The following KAZN variants were observed in gnomAD, a reference collection of about 807,000 sequenced individuals.
The protein encoded by KAZN is kazrin, periplakin interacting protein, also known as kazrin.
A neutral mutation model predicts 87.4 loss-of-function variants in KAZN; 40 were observed. That is an observed-to-expected ratio of 0.46 (90% CI 0.36 to 0.60). The LOEUF is 0.60. Among genes scored for constraint, KAZN ranks in the 20% least tolerant of loss-of-function variants. KAZN has a pLI of 0.00. For synonymous variants in KAZN, 466 were observed against 458.3 expected (o/e 1.02, Z -0.22); for missense variants, 898 against 1,073.9 (o/e 0.84, Z 2.29).
chr1:15,060,511 C>T (rs966881825), intron 6 of KAZN: 9 of 667,376 alleles, frequency 1.3e-5, no homozygotes, highest in Admixed American at 9.0e-5. Context: ...TCCTTGTGTC[C>T]GGGAGGGTGA....
At chr1:14,354,105 C>T (rs193113698) in intron 2 of KAZN, among the ~76,000 whole-genome samples, 147 of 152,166 alleles carry the variant, frequency 9.7e-4, no homozygotes, top group South Asian at 9.6e-3. Context: ...ATATGGTTGA[C>T]AAGACTGCCA....
chr1:14,608,718 G>T (rs1677572786), intron 1 of KAZN, among the ~76,000 whole-genome samples: 1 of 152,170 alleles, frequency 6.6e-6, no homozygotes, highest in Admixed American at 6.5e-5. Context: ...AAAAAAAGAT[G>T]TGAATTTCAG....
In KAZN at chr1:15,116,400, CT is replaced by C. The variant is rs1169137565; in HGVS notation, c.*1766del. 1 of 152,258 alleles carries C rather than the reference CT, an allele frequency of 6.6e-6. No individual in the cohort carries two copies. Among genetic ancestry groups the C allele is most frequent in the Non-Finnish European group, 1.5e-5 (1 of 68,046 alleles). The allele number at this position is 152,258 out of a possible 1,614,324, so 9.4% of individuals were successfully genotyped here. The stretch of plus-strand genomic sequence containing the variant: ...AATGACATAAACGCAGCCTTTCTTG[CT>C]GTCTGAGACCAAATGTCTAGTTGGT... On this transcript the variant is annotated 3_prime_UTR_variant, in exon 15 of 15. Coordinates refer to ENST00000376030, the MANE Select transcript of KAZN (RefSeq NM_201628.3).
At chr1:14,943,548 T>C (rs1478294428) in intron 1 of KAZN, among the ~76,000 whole-genome samples, 13 of 152,144 alleles carry the variant, frequency 8.5e-5, no homozygotes, top group African/African-American at 3.1e-4. Flanking sequence ...AACCAAAATG[T>C]ATGTAGTACT....
chr1:13,943,612 A>G (rs1641023031), intron 1 of KAZN, among the ~76,000 whole-genome samples: 1 of 152,140 alleles, frequency 6.6e-6, no homozygotes, highest in Admixed American at 6.5e-5. Context: ...TTTCAGGTAG[A>G]AGAAACATGA....
chr1:15,112,956 A>G (rs1641705434), intron 14 of KAZN: 1 of 169,718 alleles, frequency 5.9e-6, no homozygotes, highest in East Asian at 1.5e-4. Flanking sequence ...ACTGATTTCA[A>G]TTTGCGACTT....
At chr1:14,791,672 C>T (rs74059363) in intron 1 of KAZN, among the ~76,000 whole-genome samples, 3 of 152,228 alleles carry the variant, frequency 2.0e-5, no homozygotes, top group South Asian at 4.2e-4. Context: ...GAGCTTAGTC[C>T]CCAGGGGAAT....
intron 1 of KAZN, among the ~76,000 whole-genome samples, chr1:14,787,151 A>G (rs74059359): frequency 0.082 from 12,556 of 152,244 alleles, 585 homozygotes; most frequent in Middle Eastern, 0.16. Flanking sequence ...TTGGTCATTT[A>G]CTACCTATGT....
intron 2 of KAZN, among the ~76,000 whole-genome samples, chr1:14,563,538 TC>T (rs1298582189): frequency 6.6e-6 from 1 of 152,174 alleles, no homozygotes; most frequent in African/African-American, 2.4e-5. Flanking sequence ...GGCGAATTCA[TC>T]ACCTTCCTGG....
intron 2 of KAZN, among the ~76,000 whole-genome samples, chr1:14,308,746 C>G (rs142315843): frequency 6.6e-6 from 1 of 151,818 alleles, no homozygotes; most frequent in Non-Finnish European, 1.5e-5. Flanking sequence ...TGAACTAATA[C>G]GCATAGACTA....
intron 1 of KAZN, among the ~76,000 whole-genome samples, chr1:13,958,309 G>A (rs976055627): frequency 5.9e-5 from 9 of 152,086 alleles, no homozygotes; most frequent in Non-Finnish European, 7.4e-5. Flanking sequence ...GGTGGCTCAC[G>A]CCTGTAATCC....
chr1:14,650,524 G>A (rs1357756878), intron 1 of KAZN, among the ~76,000 whole-genome samples: 2 of 152,136 alleles, frequency 1.3e-5, no homozygotes, highest in African/African-American at 4.8e-5. Flanking sequence ...CCAGCCTGGG[G>A]GATAGAGTGA....
At chr1:14,590,108 T>A (rs1230088026) in intron 2 of KAZN, among the ~76,000 whole-genome samples, 3 of 151,924 alleles carry the variant, frequency 2.0e-5, no homozygotes, top group Non-Finnish European at 4.4e-5. Context: ...CCCCCTACCC[T>A]CCAAGAAAGC....
At chr1:14,828,310 G>GTAAATATT (rs1646956249) in intron 1 of KAZN, among the ~76,000 whole-genome samples, 1 of 152,288 alleles carries the variant, frequency 6.6e-6, no homozygotes, top group Admixed American at 6.5e-5. Flanking sequence ...TCAGGACTCT[G>GTAAATATT]GAGATTGCAT....
At chr1:14,595,660 G>A (rs1167654469), upstream of KAZN, among the ~76,000 whole-genome samples, 3 of 132,072 alleles carry the variant, frequency 2.3e-5, no homozygotes, top group African/African-American at 3.1e-5. Flanking sequence ...CAGCCTGGGC[G>A]ACAGAGCAAG....
intron 2 of KAZN, among the ~76,000 whole-genome samples, chr1:14,574,445 A>T (rs6429668): frequency 6.6e-6 from 1 of 152,128 alleles, no homozygotes; most frequent in Admixed American, 6.5e-5. Flanking sequence ...GATTTCCCCC[A>T]TACTGGACTG....
chr1:14,877,227 C>G (rs1251509249), intron 1 of KAZN, among the ~76,000 whole-genome samples: 1 of 152,140 alleles, frequency 6.6e-6, no homozygotes, highest in African/African-American at 2.4e-5. Context: ...TGTGTATTGG[C>G]CCCATTGTCT....
At chr1:14,626,151 C>T (rs1033149873) in intron 1 of KAZN, among the ~76,000 whole-genome samples, 4 of 152,170 alleles carry the variant, frequency 2.6e-5, no homozygotes, top group Admixed American at 6.5e-5. Context: ...AGTTTGCAAG[C>T]GTCATTAGAG....
At chr1:14,963,190 C>T (rs1157638337) in intron 2 of KAZN, among the ~76,000 whole-genome samples, 2 of 151,968 alleles carry the variant, frequency 1.3e-5, no homozygotes, top group Non-Finnish European at 1.5e-5. Context: ...CGCAGAGATC[C>T]ACCCCTTTGT....
Sources: allele counts gnomAD v4.1 joint callset (sites outside exome capture counted in the v4.1 genomes callset), GRCh38; gene constraint gnomAD v4.1.1; transcripts MANE v1.5; gene names NCBI Gene and HGNC (gene_info 2026-07-23, HGNC 2026-07-21).